Variants in TBX20 observed in about 807,000 individuals in gnomAD.
The protein encoded by TBX20 is T-box transcription factor 20.
In TBX20, 8 loss-of-function variants were observed where a neutral mutation model predicts 42.9. The observed-to-expected ratio is 0.19, with a 90% CI of 0.11 to 0.34. The LOEUF is 0.34. Ranked by LOEUF, TBX20 falls within the 10% of genes least tolerant of loss-of-function variation. The probability of loss-of-function intolerance (pLI) is 1.00; values close to 1 mark genes in which losing one functional copy is unlikely to be tolerated. For synonymous variants in TBX20, 198 were observed against 222.8 expected, an observed-to-expected ratio of 0.89 and a Z score of 0.99; for missense variants, 411 against 566.0, an observed-to-expected ratio of 0.73 and a Z score of 2.78.
chr7:35,240,116 T>C (rs1191112872), intron 5 of TBX20, among the ~76,000 whole-genome samples: 1 of 152,230 alleles, frequency 6.6e-6, no homozygotes, highest in Non-Finnish European at 1.5e-5. Context: ...GTATCCCTTA[T>C]CTGAAATGCT....
In TBX20 at chr7:35,210,746, C is replaced by CT. The variant is rs1789483833; in HGVS notation, c.891-6165dup. Among the ~76,000 whole-genome samples, 3 of 152,206 alleles carry CT rather than the reference C, an allele frequency of 2.0e-5. No individual in the cohort carries two copies. The South Asian group carries it at 6.2e-4, about 32-fold the overall frequency. On this transcript the variant is annotated intron_variant, in intron 6 of 7. Transcript: ENST00000408931. ...TTTCAAAATTATTGTTAACATGCTA[C>CT]TTTTTTTCATTGCTTTACTTTCAAC...
chr7:35,251,767 C>G (rs113659325), intron 1 of TBX20, among the ~76,000 whole-genome samples: 16 of 152,310 alleles, frequency 1.1e-4, no homozygotes, highest in African/African-American at 3.8e-4. Flanking sequence ...CCTCCCCACT[C>G]TATAGTTTGC....
intron 6 of TBX20, among the ~76,000 whole-genome samples, chr7:35,218,015 C>T (rs1429482307): frequency 2.0e-5 from 3 of 152,300 alleles, no homozygotes; most frequent in South Asian, 2.1e-4. Flanking sequence ...CCATTGCGCC[C>T]GGCCCAAAAG....
At chr7:35,213,877 C>CAA (rs59548164) in intron 6 of TBX20, among the ~76,000 whole-genome samples, 983 of 59,686 alleles carry the variant, frequency 0.016, 49 homozygotes, top group African/African-American at 0.054. Context: ...GCAGAGATAG[C>CAA]AAAAAAAAAA....
At chr7:35,230,522 T>C (rs34040015) in intron 6 of TBX20, among the ~76,000 whole-genome samples, 19,625 of 151,724 alleles carry the variant, frequency 0.13, 1,445 homozygotes, top group Middle Eastern at 0.28. Context: ...AAATCAAACC[T>C]CCCCCTCACA....
intron 3 of TBX20, among the ~76,000 whole-genome samples, chr7:35,247,094 C>T (rs1790204629): frequency 6.9e-6 from 1 of 145,708 alleles, no homozygotes; most frequent in Non-Finnish European, 1.5e-5. Flanking sequence ...ATCAGCTCCC[C>T]ATACCTTCAG....
chr7:35,221,832 T>C (rs1268777556), intron 6 of TBX20, among the ~76,000 whole-genome samples: 1 of 152,168 alleles, frequency 6.6e-6, no homozygotes, highest in Non-Finnish European at 1.5e-5. Context: ...TTAAAAATAA[T>C]TGTGGCCAAT....
At chr7:35,222,519 C>T (rs917035116) in intron 6 of TBX20, among the ~76,000 whole-genome samples, 6 of 152,112 alleles carry the variant, frequency 3.9e-5, no homozygotes, top group Non-Finnish European at 7.4e-5. Context: ...AAAAATGCAG[C>T]TATTCTGTAT....
At chr7:35,234,010 T>A (rs1789916154) in intron 5 of TBX20, among the ~76,000 whole-genome samples, 1 of 152,146 alleles carries the variant, frequency 6.6e-6, no homozygotes. Flanking sequence ...ACTGAAACTG[T>A]GAGGTGGAGC....
chr7:35,205,034 T>A (rs138482230), intron 6 of TBX20, among the ~76,000 whole-genome samples: 1 of 152,302 alleles, frequency 6.6e-6, no homozygotes, highest in East Asian at 1.9e-4. Context: ...AATGAAATGT[T>A]GGCAAAAAGT....
intron 6 of TBX20, among the ~76,000 whole-genome samples, chr7:35,222,397 A>T (rs1789698032): frequency 6.6e-6 from 1 of 152,234 alleles, no homozygotes; most frequent in East Asian, 1.9e-4. Flanking sequence ...GCTATATTGA[A>T]CAGAAAGCAG....
chr7:35,203,928 C>T (rs1324934946), intron 7 of TBX20, among the ~76,000 whole-genome samples: 2 of 152,234 alleles, frequency 1.3e-5, no homozygotes, highest in Admixed American at 1.3e-4. Flanking sequence ...ATGCAGAGGG[C>T]TGCTCTCTAA....
intron 6 of TBX20, among the ~76,000 whole-genome samples, chr7:35,222,951 C>T (rs1047626209): frequency 6.6e-6 from 1 of 152,036 alleles, no homozygotes; most frequent in African/African-American, 2.4e-5. Flanking sequence ...AAAAATAAGG[C>T]CAATATTGAA....
chr7:35,202,523 G>A lies in TBX20; in HGVS notation c.1251C>T (p.His417=), dbSNP rs1470680413. Residue 417 remains histidine (H), a synonymous_variant, in exon 8 of 8, where the codon CAC becomes CAT. Transcript: ENST00000408931. ...QGSGPTFPSF[H]MPRYHHYFQQ... ...GAAAATAGTGATGGTATCGCGGCAT[G>A]TGGAATGAAGGGAATGTGGGGCCAC... 6.2e-7 allele frequency: 1 copy of A among 1,613,128 alleles called. No individual in the cohort carries two copies. Among genetic ancestry groups the A allele is most frequent in the South Asian group, 1.1e-5 (1 of 90,746 alleles).
In TBX20 at chr7:35,249,919, C is replaced by A. The variant is rs1199034663; in HGVS notation, c.380+32G>T. The A allele has an allele frequency of 6.3e-7, 1 of 1,581,660 alleles. No individual in the cohort carries two copies. The highest frequency in any genetic ancestry group is 2.2e-5 in the East Asian group (1 of 44,592). ...ACCCAGGGAGTGTCCTGACTCTCCA[C>A]CCCCAACCCCCAACCCCCAAGTCCC... On this transcript the variant is annotated intron_variant, in intron 2 of 7. Coordinates refer to ENST00000408931, the MANE Select transcript of TBX20 (RefSeq NM_001077653.2). This position sits in a 1 kb window ranked among gnomAD's most constrained non-coding sequence, Gnocchi z 4.3.
At chr7:35,228,560 A>G (rs1415734269) in intron 6 of TBX20, among the ~76,000 whole-genome samples, 1 of 152,156 alleles carries the variant, frequency 6.6e-6, no homozygotes, top group African/African-American at 2.4e-5. Context: ...AATTAATAAA[A>G]GAAACTTAAT....
intron 4 of TBX20, among the ~76,000 whole-genome samples, chr7:35,241,754 T>A (rs1790086469): frequency 1.3e-5 from 2 of 152,210 alleles, no homozygotes; most frequent in African/African-American, 4.8e-5. Flanking sequence ...ATTCTGCAGC[T>A]AGTAAAAGTT....
intron 6 of TBX20, among the ~76,000 whole-genome samples, chr7:35,213,877 C>CAAAAAAAAAAAAAAAAAAA (rs59548164): frequency 1.7e-4 from 10 of 59,770 alleles, no homozygotes; most frequent in African/African-American, 5.4e-4. Flanking sequence ...GCAGAGATAG[C>CAAAAAAAAAAAAAAAAAAA]AAAAAAAAAA....
intron 2 of TBX20, 121 bp from the exon 3 acceptor site, chr7:35,248,962 G>T (rs919760173): frequency 2.6e-6 from 3 of 1,171,208 alleles, no homozygotes; most frequent in African/African-American, 3.0e-5. Context: ...CTCTCTATCC[G>T]GTCCACAAAC....
Sources: gnomAD v4.1 joint callset for allele counts (sites outside exome capture counted in the v4.1 genomes callset) on GRCh38, gnomAD v4.1.1 for gene constraint, Gnocchi (gnomAD v3.1) non-coding constraint, MANE v1.5 for transcripts, NCBI Gene and HGNC (gene_info 2026-07-23, HGNC 2026-07-21) for gene names.